Variants in SLC4A7 observed in about 807,000 individuals in gnomAD.
The protein encoded by SLC4A7 is solute carrier family 4 member 7, also known as sodium bicarbonate cotransporter 3.
In SLC4A7, 51 loss-of-function variants were observed where a neutral mutation model predicts 137.6. The ratio of observed to expected loss-of-function variants is 0.37; its 90% CI spans 0.30 to 0.47. SLC4A7 has a LOEUF of 0.47. Ranked by LOEUF, SLC4A7 falls within the 20% of genes least tolerant of loss-of-function variation. The pLI, the probability that SLC4A7 is intolerant of heterozygous loss-of-function variation, is 1.00. For missense variants in SLC4A7, 1,247 were observed against 1,525.4 expected (o/e 0.82, Z 3.04); for synonymous variants, 542 against 518.6 (o/e 1.05, Z -0.61).
intron 1 of SLC4A7, chr3:27,456,617 T>A (rs757044702): frequency 7.1e-7 from 1 of 1,406,126 alleles, no homozygotes; most frequent in African/African-American, 1.4e-5. Flanking sequence ...AATTCGTTTG[T>A]AAATAAAAGA....
At position 27,385,414 on chromosome 3, in the gene SLC4A7, A is replaced by G. The variant is rs149404367; in HGVS notation, c.3492+478T>C. On this transcript the variant is annotated intron_variant, in intron 23 of 25. Coordinates refer to ENST00000454389, the MANE Select transcript of SLC4A7 (RefSeq NM_001321103.2). ...AACTTTATTATACTTTTTAAAAAAG[A>G]TAATTACTTAAAAATCCTTTTTGTC... 3.0e-3 allele frequency among the ~76,000 whole-genome samples: 463 copies of G among 152,336 alleles called. 2 individuals carry two copies. The highest frequency in any genetic ancestry group is 4.6e-3 in the Non-Finnish European group (311 of 68,024).
In SLC4A7 at chr3:27,402,578, T is replaced by C. The variant is rs566312473; in HGVS notation, c.2321+561A>G. Reference sequence around the variant, plus strand: ...AGCTAGGCACGGTGATACGTGCCTGTAATCCCTGCTACTGGTGGGCTGAGG... The same window carrying C: ...AGCTAGGCACGGTGATACGTGCCTGCAATCCCTGCTACTGGTGGGCTGAGG... On this transcript the variant is annotated intron_variant, in intron 15 of 25. Transcript: ENST00000454389. 1.8e-4 allele frequency among the ~76,000 whole-genome samples: 27 copies of C among 152,120 alleles called. 1 individual carries two copies. In the South Asian group the frequency reaches 4.6e-3, roughly 26 times the overall value.
chr3:27,399,008 G>GAA (rs533969253), intron 16 of SLC4A7, among the ~76,000 whole-genome samples: 6 of 137,574 alleles, frequency 4.4e-5, no homozygotes, highest in African/African-American at 1.6e-4. Flanking sequence ...TTCCTTTAGG[G>GAA]AAAAAAAAAA....
chr3:27,389,590 A>C (rs2051322196), intron 22 of SLC4A7, among the ~76,000 whole-genome samples: 1 of 152,174 alleles, frequency 6.6e-6, no homozygotes, highest in East Asian at 1.9e-4. Flanking sequence ...GATATATCAA[A>C]GTATTTTAAT....
intron 7 of SLC4A7, among the ~76,000 whole-genome samples, chr3:27,430,643 G>GGAGA (rs2056175816): frequency 6.8e-6 from 1 of 146,720 alleles, no homozygotes; most frequent in Non-Finnish European, 1.5e-5. Flanking sequence ...AGCCTGGCCA[G>GGAGA]CATGGTGAAA....
At chr3:27,436,834 T>C (rs549869648) in intron 4 of SLC4A7, among the ~76,000 whole-genome samples, 13 of 152,118 alleles carry the variant, frequency 8.5e-5, no homozygotes, top group Non-Finnish European at 1.8e-4. Context: ...AAACTTGCAA[T>C]ACACAAAATT....
At chr3:27,432,714 C>T (rs1397800882) in intron 6 of SLC4A7, among the ~76,000 whole-genome samples, 1 of 152,088 alleles carries the variant, frequency 6.6e-6, no homozygotes, top group Non-Finnish European at 1.5e-5. Context: ...AAAGAACATG[C>T]TAAAATGGCA....
intron 3 of SLC4A7, among the ~76,000 whole-genome samples, chr3:27,440,980 G>C (rs761846201): frequency 6.6e-6 from 1 of 152,142 alleles, no homozygotes; most frequent in Non-Finnish European, 1.5e-5. Context: ...AGGACGCAGA[G>C]GTTGCAGTGA....
intron 13 of SLC4A7, 38 bp downstream of exon 13, chr3:27,409,318 G>A: frequency 1.3e-6 from 2 of 1,499,846 alleles, no homozygotes; most frequent in African/African-American, 1.4e-5. Flanking sequence ...TGCCTCTGAA[G>A]AGCTAAAAGC....
chr3:27,474,068 T>C (rs1050954348), intron 1 of SLC4A7, among the ~76,000 whole-genome samples: 1 of 152,220 alleles, frequency 6.6e-6, no homozygotes, highest in Non-Finnish European at 1.5e-5. Context: ...CTGAACACTA[T>C]GCTAAGCTCT....
At chr3:27,423,522 G>A (rs1242128939) in intron 8 of SLC4A7, 1 of 152,150 alleles carries the variant, frequency 6.6e-6, no homozygotes, top group East Asian at 1.9e-4. Flanking sequence ...AGTTCACATA[G>A]GTATTTTTTT....
At chr3:27,438,386 TC>T (rs1465181034) in intron 3 of SLC4A7, among the ~76,000 whole-genome samples, 1 of 151,364 alleles carries the variant, frequency 6.6e-6, no homozygotes, top group African/African-American at 2.4e-5. Context: ...ACACCTGTAA[TC>T]CCAGCTACTC....
At chr3:27,383,347 G>C in intron 23 of SLC4A7, 97 bp from the exon 24 acceptor site, 1 of 837,662 alleles carries the variant, frequency 1.2e-6, no homozygotes, top group Non-Finnish European at 1.9e-6. Context: ...AACCCAAACT[G>C]ACATTATTTA....
At chr3:27,403,102 A>T in intron 15 of SLC4A7, 37 bp downstream of exon 15, 1 of 1,569,012 alleles carries the variant, frequency 6.4e-7, no homozygotes, top group African/African-American at 1.4e-5. Context: ...CTCTGTAAAA[A>T]CACATTTTAA....
intron 3 of SLC4A7, among the ~76,000 whole-genome samples, chr3:27,444,275 T>C (rs1178669420): frequency 6.6e-6 from 1 of 152,230 alleles, no homozygotes; most frequent in Non-Finnish European, 1.5e-5. Context: ...TCTGGCAATC[T>C]GATTCTTATG....
At position 27,375,067 on chromosome 3, in the gene SLC4A7, G is replaced by GA. The variant is rs1157380265; in HGVS notation, c.*1696dup. ...CAACCTCTCATCCGAGGCAGAAGTT[G>GA]AATCCATCATTTTAACAAGACTCTT... On this transcript the variant is annotated 3_prime_UTR_variant, in exon 26 of 26. Coordinates refer to ENST00000454389, the MANE Select transcript of SLC4A7 (RefSeq NM_001321103.2). 6.6e-6 allele frequency: 1 copy of GA among 152,020 alleles called. No homozygotes were observed. The highest frequency in any genetic ancestry group is 1.5e-5 in the Non-Finnish European group (1 of 67,886). 9.4% of individuals were successfully genotyped at this position (152,020 alleles called of 1,614,324 possible).
rs1431602129 is a variant in SLC4A7, at chr3:27,383,433, TAA to T, written c.3493-185_3493-184del. On this transcript the variant is annotated intron_variant, in intron 23 of 25. Transcript: ENST00000454389. ...AACATAAAATAAAAACAACCACTTG[TAA>T]AACATGACTAATTTAACTTTCATTT... Among the ~76,000 whole-genome samples, 6 of 152,218 alleles carry T rather than the reference TAA, an allele frequency of 3.9e-5. No homozygotes were observed. The South Asian group carries it at 1.2e-3, about 32-fold the overall frequency.
Position 27,390,042 on chromosome 3 carries a change from G to A in SLC4A7, c.3249C>T (p.Leu1083=), listed in dbSNP as rs748967159. 1.2e-6 allele frequency: 2 copies of A among 1,612,028 alleles called. No individual in the cohort carries two copies. The highest frequency in any genetic ancestry group is 2.2e-5 in the South Asian group (2 of 91,000). The part of the protein sequence containing the change: ...PAKHQPDLIY[L]RYVPLWKVHI... ...GGACCTTCCAGAGCGGCACATAACG[G>A]AGGTATATCAAATCAGGCTGATGCT... is the stretch of plus-strand genomic sequence containing the variant. Residue 1083 remains leucine, a synonymous_variant, in exon 22 of 26, where the codon CTC becomes CTT. Transcript: ENST00000454389.
At position 27,401,867 on chromosome 3, in the gene SLC4A7, G is replaced by C. The variant is rs151160574; in HGVS notation, c.2322-998C>G. 4.6e-5 allele frequency among the ~76,000 whole-genome samples: 7 copies of C among 152,264 alleles called. No homozygotes were observed. The East Asian group carries it at 7.7e-4, about 17-fold the overall frequency. On this transcript the variant is annotated intron_variant, in intron 15 of 25. Coordinates refer to ENST00000454389, the MANE Select transcript of SLC4A7 (RefSeq NM_001321103.2). Reference sequence around the variant, plus strand: ...AAGAAGCAAAAGGCAAGGAAAGAAAGATTTAAAAAATGTGTTTAAATTAAA... The same window carrying C: ...AAGAAGCAAAAGGCAAGGAAAGAAACATTTAAAAAATGTGTTTAAATTAAA...
Sources: gnomAD v4.1 joint callset for allele counts (sites outside exome capture counted in the v4.1 genomes callset) on GRCh38, gnomAD v4.1.1 for gene constraint, MANE v1.5 for transcripts, NCBI Gene and HGNC (gene_info 2026-07-23, HGNC 2026-07-21) for gene names.